Variants in ASAP2 observed in about 807,000 individuals in gnomAD.
ASAP2 encodes arf-GAP with SH3 domain, ANK repeat and PH domain-containing protein 2.
In ASAP2, 45 loss-of-function variants were observed where a neutral mutation model predicts 131.4. The ratio of observed to expected loss-of-function variants is 0.34; its 90% confidence interval spans 0.27 to 0.44. The LOEUF is 0.44. ASAP2 is among the 20% of genes least tolerant of loss of function. ASAP2 has a pLI of 1.00. For missense variants in ASAP2, 1,011 were observed against 1,297.0 expected (o/e 0.78, Z 3.39); for synonymous variants, 510 against 503.0 (o/e 1.01, Z -0.19).
chr2:9,388,611 G>C, intron 22 of ASAP2, 65 bp downstream of exon 22: 2 of 1,555,188 alleles, frequency 1.3e-6, no homozygotes, highest in Non-Finnish European at 1.7e-6. Flanking sequence ...TGGGAAGTTT[G>C]CAGCTGCCCT....
intron 9 of ASAP2, among the ~76,000 whole-genome samples, chr2:9,340,136 T>C (rs1671482471): frequency 6.6e-6 from 1 of 152,158 alleles, no homozygotes; most frequent in South Asian, 2.1e-4. Flanking sequence ...GATTCTTCTG[T>C]CTCAGCCTCC....
intron 1 of ASAP2, among the ~76,000 whole-genome samples, chr2:9,254,230 AAAAAAAAT>A (rs1664941156): frequency 1.5e-5 from 1 of 67,328 alleles, no homozygotes. Flanking sequence ...AAAAAAAAAA[AAAAAAAAT>A]ATATATATAT....
rs775445277 is a variant in ASAP2 at position 9,318,614 on chromosome 2, T to G, written c.420+16T>G. 6.3e-7 allele frequency: 1 copy of G among 1,591,454 alleles called. No homozygotes were observed. The highest frequency in any genetic ancestry group is 1.7e-5 in the Admixed American group (1 of 58,052). On this transcript the variant is annotated intron_variant, in intron 4 of 27. Coordinates refer to ENST00000281419, the MANE Select transcript of ASAP2 (RefSeq NM_003887.3). ...AGTGAAAGGGGTATGACATTGACAC[T>G]GTGACACCAGGGGCAGCTTTTACAC...
Position 9,207,128 on chromosome 2 carries a change from G to C in ASAP2, c.24G>C (p.Ser8=). 6.3e-7 allele frequency: 1 copy of C among 1,596,716 alleles called. No homozygotes were observed. The highest frequency in any genetic ancestry group is 1.1e-5 in the South Asian group (1 of 89,102). ...CGATGCCGGACCAGATCTCCGTGTC[G>C]GAATTCGTGGCCGAGACCCATGAGG... The part of the protein sequence containing the change: MPDQISV[S]EFVAETHEDY... The change falls in exon 1 of 28, where the codon TCG becomes TCC. Residue 8 remains serine, a synonymous_variant. Coordinates refer to ENST00000281419, the MANE Select transcript of ASAP2 (RefSeq NM_003887.3). This position sits in a 1 kb window ranked among gnomAD's most constrained non-coding sequence, Gnocchi z 4.1.
chr2:9,232,754 C>T lies in ASAP2; in HGVS notation c.126+25524C>T, dbSNP rs1663260131. Among the ~76,000 whole-genome samples, 1 of 152,240 alleles carries T rather than the reference C, an allele frequency of 6.6e-6. No individual in the cohort carries two copies. The highest frequency in any genetic ancestry group is 1.5e-5 in the Non-Finnish European group (1 of 68,018). On this transcript the variant is annotated intron_variant, in intron 1 of 27. Coordinates refer to ENST00000281419, the MANE Select transcript of ASAP2 (RefSeq NM_003887.3). This position sits in a 1 kb window ranked among gnomAD's most constrained non-coding sequence, Gnocchi z 4.1. ...TGCAGGGAGTGAGACATGCTGTTGC[C>T]GGAGCTCTGGTGTCATTGGTTCATA...
At chr2:9,402,940 G>A (rs1039024673) in intron 27 of ASAP2, among the ~76,000 whole-genome samples, 9 of 152,172 alleles carry the variant, frequency 5.9e-5, no homozygotes, top group East Asian at 3.8e-4. Flanking sequence ...TTGAAAAATG[G>A]CAAGTGGGAA....
rs73150988 is a variant in ASAP2, at chr2:9,402,323, C to T, written c.2946+927C>T. Among the ~76,000 whole-genome samples, 942 of 152,328 alleles carry T rather than the reference C, an allele frequency of 6.2e-3. 10 individuals are homozygous for T. Among genetic ancestry groups the T allele is most frequent in the Middle Eastern group, 0.024 (7 of 294 alleles). On this transcript the variant is annotated intron_variant, in intron 27 of 27. Transcript: ENST00000281419. ...CGGTCTTTCCTGTGGCCTCGTTTGC[C>T]CTTAATGGATTGAAAGTGTCTGTGG...
At position 9,380,816 on chromosome 2, in the gene ASAP2, T is replaced by C. The variant is rs1239869716; in HGVS notation, c.2016+8T>C. ...GAGCACTGTGAGGAGCTGGTGAGTC[T>C]CCCACCACAAGGACGGGGTGGGGCA... On this transcript the variant is annotated splice_region_variant and intron_variant, in intron 20 of 27. Coordinates refer to ENST00000281419, the MANE Select transcript of ASAP2 (RefSeq NM_003887.3). 6.2e-7 allele frequency: 1 copy of C among 1,613,442 alleles called. No homozygotes were observed. The highest frequency in any genetic ancestry group is 2.2e-5 in the East Asian group (1 of 44,862).
intron 1 of ASAP2, among the ~76,000 whole-genome samples, chr2:9,212,832 C>A (rs1411973629): frequency 3.3e-5 from 5 of 152,136 alleles, no homozygotes; most frequent in African/African-American, 1.2e-4. Flanking sequence ...CCGGGTTCCA[C>A]CCAGGACAAT....
In ASAP2 at chr2:9,358,888, T is replaced by G; in HGVS notation, c.1460T>G (p.Leu487Arg). ...TLDVLGTSEL[L>R]LAKNIGNAGF... Reference sequence around the variant, plus strand: ...GATGTACTGGGAACATCTGAGCTGCTGGTAATTTTTAAATCCTTGATTTCA... The same window carrying G: ...GATGTACTGGGAACATCTGAGCTGCGGGTAATTTTTAAATCCTTGATTTCA... Residue 487 changes from leucine (L) to arginine (R), a missense_variant and splice_region_variant, in exon 15 of 28, where the codon CTG (leucine) becomes CGG (arginine). By Grantham distance (102) the Leu-to-Arg change is moderately radical (BLOSUM62 -2). Coordinates refer to ENST00000281419, the MANE Select transcript of ASAP2 (RefSeq NM_003887.3). 6.3e-7 allele frequency: 1 copy of G among 1,598,850 alleles called. No individual in the cohort carries two copies. The highest frequency in any genetic ancestry group is 8.5e-7 in the Non-Finnish European group (1 of 1,173,144).
rs1050278514 is a variant in ASAP2 at position 9,389,079 on chromosome 2, C to T, written c.2383+533C>T. Among the ~76,000 whole-genome samples, 17 of 152,234 alleles carry T rather than the reference C, an allele frequency of 1.1e-4. No individual in the cohort carries two copies. Among genetic ancestry groups the T allele is most frequent in the Non-Finnish European group, 2.1e-4 (14 of 68,040 alleles). On this transcript the variant is annotated intron_variant, in intron 22 of 27. Transcript: ENST00000281419. The surrounding 1 kb of genome is among the most constrained non-coding windows in gnomAD (Gnocchi z 4.7). Reference sequence around the variant, plus strand: ...CCAGTGTCTTAGGGCAAAAAGCATGCTTTTCTTACCTCAGCTGTAACCTGG... The same window carrying T: ...CCAGTGTCTTAGGGCAAAAAGCATGTTTTTCTTACCTCAGCTGTAACCTGG...
chr2:9,297,457 TGTGTATGAAATGCTGCG>T lies in ASAP2; in HGVS notation c.345+15_345+31del. On this transcript the variant is annotated intron_variant, in intron 3 of 27. Coordinates refer to ENST00000281419, the MANE Select transcript of ASAP2 (RefSeq NM_003887.3). ...TTTTCAAAAACCTGGTAAGCAGCTC[TGTGTATGAAATGCTGCG>T]GTTACTTCAGTTGGGAAAGTGGCTC... is the stretch of plus-strand genomic sequence containing the variant. 2 of 1,613,922 alleles carry T rather than the reference TGTGTATGAAATGCTGCG, an allele frequency of 1.2e-6. No individual in the cohort carries two copies. The highest frequency in any genetic ancestry group is 1.7e-6 in the Non-Finnish European group (2 of 1,179,768).
chr2:9,254,255 ACACGTG>A (rs1664970428), intron 1 of ASAP2, among the ~76,000 whole-genome samples: 1 of 58,440 alleles, frequency 1.7e-5, no homozygotes, highest in Non-Finnish European at 3.5e-5. Context: ...ATATATATAT[ACACGTG>A]TGTGTGTATG....
At chr2:9,379,999 A>G (rs1299821802) in intron 19 of ASAP2, among the ~76,000 whole-genome samples, 1 of 150,070 alleles carries the variant, frequency 6.7e-6, no homozygotes, top group East Asian at 1.9e-4. Flanking sequence ...TCAAAAAAAA[A>G]AAAATAAATA....
At position 9,279,477 on chromosome 2, in the gene ASAP2, A is replaced by G. The variant is rs1666986669; in HGVS notation, c.199+88A>G. ...CCGTAATATTGATGACCATTAACAA[A>G]TGAGCCAGCTAGACTCCTTTATCGG... On this transcript the variant is annotated intron_variant, in intron 2 of 27. Transcript: ENST00000281419. 2.4e-6 allele frequency: 3 copies of G among 1,255,616 alleles called. No individual in the cohort carries two copies. The Admixed American group carries it at 5.2e-5, about 22-fold the overall frequency. The allele number at this position is 1,255,616 out of a possible 1,614,324, so 77.8% of individuals were successfully genotyped here.
At chr2:9,335,962 T>A (rs1338719456) in intron 9 of ASAP2, 2 of 152,206 alleles carry the variant, frequency 1.3e-5, no homozygotes, top group Admixed American at 1.3e-4. Flanking sequence ...GAGCTCTATT[T>A]TATTGTAAGT....
chr2:9,387,076 G>GT (rs1407861282), intron 21 of ASAP2, among the ~76,000 whole-genome samples: 1 of 125,968 alleles, frequency 7.9e-6, no homozygotes, highest in African/African-American at 5.1e-5. Context: ...CTTGGTGGTG[G>GT]GTGGGGGGGC....
At chr2:9,330,696 C>G (rs1670775479) in intron 7 of ASAP2, among the ~76,000 whole-genome samples, 1 of 152,148 alleles carries the variant, frequency 6.6e-6, no homozygotes, top group Non-Finnish European at 1.5e-5. Flanking sequence ...GTTCTTATGT[C>G]AGGCAATTTA....
At chr2:9,383,212 A>T (rs1675003001) in intron 20 of ASAP2, among the ~76,000 whole-genome samples, 1 of 152,070 alleles carries the variant, frequency 6.6e-6, no homozygotes, top group Admixed American at 6.6e-5. Context: ...AGGATATGTT[A>T]TCTATAGGAT....
Sources: allele counts gnomAD v4.1 joint callset (sites outside exome capture counted in the v4.1 genomes callset), GRCh38; gene constraint gnomAD v4.1.1; non-coding constraint Gnocchi (gnomAD v3.1); transcripts MANE v1.5; gene names NCBI Gene and HGNC (gene_info 2026-07-23, HGNC 2026-07-21).